CPNE8: variants seen among roughly 807,000 people sequenced by gnomAD.
CPNE8 encodes copine 8, also known as copine-8.
Under a neutral mutation model 81.5 loss-of-function variants are expected in CPNE8, and 45 were observed. The observed-to-expected ratio is 0.55, with a 90% CI of 0.44 to 0.71. The LOEUF (loss-of-function observed/expected upper bound fraction) is 0.71. Among genes scored for constraint, CPNE8 ranks in the 30% least tolerant of loss-of-function variants. The probability of loss-of-function intolerance (pLI) is 0.00; values close to 1 mark genes in which losing one functional copy is unlikely to be tolerated. For synonymous variants in CPNE8, 252 were observed against 226.3 expected, an observed-to-expected ratio of 1.11 and a Z score of -1.02; for missense variants, 594 against 672.1, an observed-to-expected ratio of 0.88 and a Z score of 1.28.
chr12:38,814,939 A>T (rs55845087), intron 6 of CPNE8, among the ~76,000 whole-genome samples: 2,072 of 152,240 alleles, frequency 0.014, 46 homozygotes, highest in African/African-American at 0.045. Context: ...ATATATATAT[A>T]TTTTTAAGTT....
At position 38,736,583 on chromosome 12, in the gene CPNE8, C is replaced by A. The variant is rs894703431; in HGVS notation, c.723-6225G>T. 2.6e-5 allele frequency among the ~76,000 whole-genome samples: 4 copies of A among 151,938 alleles called. No individual in the cohort carries two copies. The East Asian group carries it at 7.7e-4, about 29-fold the overall frequency. On this transcript the variant is annotated intron_variant, in intron 10 of 19. Transcript: ENST00000331366. The stretch of plus-strand genomic sequence containing the variant: ...TCATAATGTTAGATCATTTAAATTG[C>A]ATGTGTATCTATTAGACATAATTTA...
rs79762276 is a variant in CPNE8 at position 38,905,314 on chromosome 12, T to C, written c.98+123A>G. ...GGTAACTCCAGCCCCACTACTGAGA[T>C]ATTTCCCACTCATGGCGCAACTTCT... On this transcript the variant is annotated intron_variant, in intron 1 of 19. Transcript: ENST00000331366. 1,847 of 1,119,678 alleles carry C rather than the reference T, an allele frequency of 1.6e-3. 26 individuals are homozygous for C. In the African/African-American group the frequency reaches 0.024, roughly 14 times the overall value. The allele number at this position is 1,119,678 out of a possible 1,614,324, so 69.4% of individuals were successfully genotyped here. A position where few individuals can be genotyped will look rare whatever the true frequency, so the allele number is the denominator to read the frequency against.
At chr12:38,893,545 G>A (rs75145375) in intron 1 of CPNE8, among the ~76,000 whole-genome samples, 8,089 of 152,238 alleles carry the variant, frequency 0.053, 687 homozygotes, top group African/African-American at 0.18. Context: ...ATAAAAATGG[G>A]CAACCAGCCA....
intron 15 of CPNE8, among the ~76,000 whole-genome samples, chr12:38,689,403 G>A (rs922426924): frequency 6.6e-6 from 1 of 152,200 alleles, no homozygotes; most frequent in Admixed American, 6.5e-5. Flanking sequence ...CCTGCAGCCT[G>A]TGACAGTTTT....
chr12:38,782,355 T>G (rs1229528129), intron 6 of CPNE8, among the ~76,000 whole-genome samples: 1 of 152,166 alleles, frequency 6.6e-6, no homozygotes, highest in Non-Finnish European at 1.5e-5. Flanking sequence ...AATATACCTA[T>G]AATGACATTA....
At chr12:38,851,022 C>T (rs972124711) in intron 3 of CPNE8, among the ~76,000 whole-genome samples, 25 of 152,200 alleles carry the variant, frequency 1.6e-4, no homozygotes, top group African/African-American at 5.1e-4. Flanking sequence ...AGCATTTGGC[C>T]ATCATTTGCC....
At position 38,788,304 on chromosome 12, in the gene CPNE8, C is replaced by T. The variant is rs116841101; in HGVS notation, c.408-12003G>A. Reference sequence around the variant, plus strand: ...TTATCCTTGGAATGCAAGGATGGTTCGACATATGCAAAACAATCAATGTGA... The same window carrying T: ...TTATCCTTGGAATGCAAGGATGGTTTGACATATGCAAAACAATCAATGTGA... On this transcript the variant is annotated intron_variant, in intron 6 of 19. Coordinates refer to ENST00000331366, the MANE Select transcript of CPNE8 (RefSeq NM_153634.3). 5.9e-4 allele frequency among the ~76,000 whole-genome samples: 90 copies of T among 151,760 alleles called. No individual in the cohort carries two copies. In the East Asian group the frequency reaches 0.011, roughly 19 times the overall value.
At chr12:38,749,294 A>T (rs935427264) in intron 10 of CPNE8, among the ~76,000 whole-genome samples, 8 of 152,198 alleles carry the variant, frequency 5.3e-5, no homozygotes, top group Non-Finnish European at 7.3e-5. Context: ...TGTAAGTCCA[A>T]TTAAACCTCT....
intron 3 of CPNE8, among the ~76,000 whole-genome samples, chr12:38,853,550 G>T (rs1943681212): frequency 6.6e-6 from 1 of 151,680 alleles, no homozygotes; most frequent in African/African-American, 2.4e-5. Context: ...TATTCACCAA[G>T]TATGAAAATT....
intron 1 of CPNE8, among the ~76,000 whole-genome samples, chr12:38,876,306 G>C (rs1037019906): frequency 1.3e-5 from 2 of 152,128 alleles, no homozygotes; most frequent in African/African-American, 4.8e-5. Context: ...CCGCCTTCCA[G>C]GTTCAAGTGA....
At chr12:38,733,201 T>A (rs910434368) in intron 10 of CPNE8, among the ~76,000 whole-genome samples, 1 of 151,974 alleles carries the variant, frequency 6.6e-6, no homozygotes, top group African/African-American at 2.4e-5. Context: ...AATTTTGTTA[T>A]AGATCTCTTT....
chr12:38,893,813 T>A (rs1304160892), intron 1 of CPNE8, among the ~76,000 whole-genome samples: 1 of 152,238 alleles, frequency 6.6e-6, no homozygotes, highest in East Asian at 1.9e-4. Context: ...TCTGCAATTG[T>A]TCTGATTAAA....
intron 6 of CPNE8, among the ~76,000 whole-genome samples, chr12:38,811,439 T>A (rs1056771511): frequency 6.6e-6 from 1 of 152,176 alleles, no homozygotes; most frequent in Admixed American, 6.5e-5. Context: ...ACATGGATGG[T>A]TCTCACAAAT....
chr12:38,777,437 T>C (rs746653886), intron 6 of CPNE8, among the ~76,000 whole-genome samples: 6 of 152,098 alleles, frequency 3.9e-5, no homozygotes, highest in Non-Finnish European at 7.4e-5. Context: ...TTATAGTAAG[T>C]TAAGGTTAAT....
chr12:38,839,531 A>G (rs542590844), intron 5 of CPNE8, among the ~76,000 whole-genome samples: 1 of 152,180 alleles, frequency 6.6e-6, no homozygotes, highest in East Asian at 1.9e-4. Flanking sequence ...ACTACAAAAA[A>G]AAAACAGAAT....
chr12:38,884,209 G>A lies in CPNE8; in HGVS notation c.99-9698C>T, dbSNP rs148572862. ...AAATCACACCCTATTCCACTTCCCC[G>A]AGCCCCTGGTAACCACTAATCTTTC... On this transcript the variant is annotated intron_variant, in intron 1 of 19. Coordinates refer to ENST00000331366, the MANE Select transcript of CPNE8 (RefSeq NM_153634.3). 9.4e-3 allele frequency among the ~76,000 whole-genome samples: 1,424 copies of A among 151,946 alleles called. 19 individuals are homozygous for A. The highest frequency in any genetic ancestry group is 0.039 in the South Asian group (189 of 4,794).
rs373112282 is a variant in CPNE8 at position 38,892,586 on chromosome 12, G to A, written c.98+12851C>T. Among the ~76,000 whole-genome samples the A allele has an allele frequency of 8.3e-4, 127 of 152,262 alleles. No individual in the cohort carries two copies. The East Asian group carries it at 9.3e-3, about 11-fold the overall frequency. ...AAGCTTATGAAATATAGTAAGTCAAGCATTATAATGGTAGGGAAGTAATAG... is the reference window on the plus strand; with the variant it reads ...AAGCTTATGAAATATAGTAAGTCAAACATTATAATGGTAGGGAAGTAATAG... On this transcript the variant is annotated intron_variant, in intron 1 of 19. Coordinates refer to ENST00000331366, the MANE Select transcript of CPNE8 (RefSeq NM_153634.3).
upstream of CPNE8, chr12:38,906,726 T>A: frequency 6.0e-6 from 3 of 497,734 alleles, no homozygotes; most frequent in Non-Finnish European, 7.8e-6. Flanking sequence ...GCAGGGACCT[T>A]TGTTCCCCGC....
intron 19 of CPNE8, among the ~76,000 whole-genome samples, chr12:38,659,700 TCA>T (rs1938907182): frequency 6.6e-6 from 1 of 152,162 alleles, no homozygotes; most frequent in Non-Finnish European, 1.5e-5. Flanking sequence ...AAACTCTCTC[TCA>T]GACCACAGTG....
Sources: gnomAD v4.1 joint callset for allele counts (sites outside exome capture counted in the v4.1 genomes callset) on GRCh38, gnomAD v4.1.1 for gene constraint, MANE v1.5 for transcripts, NCBI Gene and HGNC (gene_info 2026-07-23, HGNC 2026-07-21) for gene names.